FOXP1: variants seen among roughly 807,000 people sequenced by gnomAD.
FOXP1 encodes the protein forkhead box P1.
In FOXP1, 15 loss-of-function variants were observed where a neutral mutation model predicts 98.2. That is an observed-to-expected ratio of 0.15 (90% CI 0.10 to 0.24). The LOEUF is 0.24. FOXP1 is among the 10% of genes least tolerant of loss of function. FOXP1 has a pLI of 1.00. For missense variants in FOXP1, 633 were observed against 848.5 expected, an observed-to-expected ratio of 0.75 and a Z score of 3.15; for synonymous variants, 371 against 314.5, an observed-to-expected ratio of 1.18 and a Z score of -1.90.
chr3:71,511,133 A>G (rs542206277), intron 2 of FOXP1, among the ~76,000 whole-genome samples: 218 of 152,316 alleles, frequency 1.4e-3, no homozygotes, highest in Middle Eastern at 3.4e-3. Flanking sequence ...AAATAAGCCC[A>G]TAAGTCCTTT....
At chr3:71,564,497 C>A (rs970773256) in intron 2 of FOXP1, among the ~76,000 whole-genome samples, 6 of 152,178 alleles carry the variant, frequency 3.9e-5, no homozygotes. Context: ...CAAGGTAAAT[C>A]AGAAAGGTTA....
At chr3:71,204,893 C>T (rs1308585122) in intron 5 of FOXP1, among the ~76,000 whole-genome samples, 1 of 152,194 alleles carries the variant, frequency 6.6e-6, no homozygotes, top group Non-Finnish European at 1.5e-5. Context: ...TATCCACTGT[C>T]CTCCTGACCC....
chr3:71,211,486 A>G (rs550603985), intron 5 of FOXP1, among the ~76,000 whole-genome samples: 32 of 152,298 alleles, frequency 2.1e-4, no homozygotes, highest in African/African-American at 7.5e-4. Context: ...AATTACAGGT[A>G]TAAGCCACCA....
intron 4 of FOXP1, among the ~76,000 whole-genome samples, chr3:71,330,430 C>T (rs911104253): frequency 6.6e-6 from 1 of 152,254 alleles, no homozygotes; most frequent in African/African-American, 2.4e-5. Flanking sequence ...GAGAAGATGA[C>T]AGTCCACACA....
At chr3:71,126,896 A>C (rs1461794721) in intron 6 of FOXP1, among the ~76,000 whole-genome samples, 5 of 151,870 alleles carry the variant, frequency 3.3e-5, no homozygotes, top group African/African-American at 1.2e-4. Flanking sequence ...AAAACAAAAA[A>C]AAAAAGAAAG....
intron 5 of FOXP1, among the ~76,000 whole-genome samples, chr3:71,294,366 G>A (rs890311679): frequency 3.3e-5 from 5 of 152,062 alleles, no homozygotes; most frequent in African/African-American, 1.2e-4. Context: ...ACTTCCATAC[G>A]ATGCTAAAAC....
At chr3:71,080,497 C>T (rs2054292716) in intron 7 of FOXP1, among the ~76,000 whole-genome samples, 2 of 151,194 alleles carry the variant, frequency 1.3e-5, no homozygotes, top group South Asian at 4.2e-4. Flanking sequence ...AATTCACTAG[C>T]GTGACCACAT....
At chr3:71,391,533 G>A (rs1026754583) in intron 3 of FOXP1, among the ~76,000 whole-genome samples, 12 of 152,140 alleles carry the variant, frequency 7.9e-5, no homozygotes, top group Non-Finnish European at 1.0e-4. Flanking sequence ...CACACACTTC[G>A]GTCTTTCGCT....
At chr3:71,347,613 AG>A (rs2077447404) in intron 4 of FOXP1, among the ~76,000 whole-genome samples, 2 of 151,968 alleles carry the variant, frequency 1.3e-5, no homozygotes, top group African/African-American at 4.8e-5. Flanking sequence ...CGGCTGGGGG[AG>A]GTGGTTCATG....
At chr3:70,983,220 A>T (rs2039177581) in intron 14 of FOXP1, among the ~76,000 whole-genome samples, 1 of 151,902 alleles carries the variant, frequency 6.6e-6, no homozygotes, top group Non-Finnish European at 1.5e-5. Flanking sequence ...TGACTTACTT[A>T]GAAGGTGGTG....
chr3:71,165,095 A>C (rs2061336752), intron 6 of FOXP1, among the ~76,000 whole-genome samples: 2 of 152,180 alleles, frequency 1.3e-5, no homozygotes, highest in South Asian at 4.1e-4. Flanking sequence ...TGGCAAAAAT[A>C]ATGGAAACAA....
intron 7 of FOXP1, among the ~76,000 whole-genome samples, chr3:71,080,728 C>T (rs17008195): frequency 0.13 from 19,311 of 152,146 alleles, 1,752 homozygotes; most frequent in East Asian, 0.37. Flanking sequence ...CAATGTTCTT[C>T]CCTTCCTCTT....
intron 4 of FOXP1, among the ~76,000 whole-genome samples, chr3:71,339,647 A>G (rs1267099073): frequency 6.6e-6 from 1 of 152,240 alleles, no homozygotes; most frequent in African/African-American, 2.4e-5. Context: ...TACTGGGCTC[A>G]AATTAGCAAG....
intron 6 of FOXP1, among the ~76,000 whole-genome samples, chr3:71,133,395 C>T (rs747016794): frequency 6.6e-6 from 1 of 152,186 alleles, no homozygotes; most frequent in South Asian, 2.1e-4. Context: ...ATGGAATAGT[C>T]GTCTCGCTCT....
intron 17 of FOXP1, among the ~76,000 whole-genome samples, chr3:70,973,953 A>T (rs2036949978): frequency 6.6e-6 from 1 of 150,808 alleles, no homozygotes; most frequent in Non-Finnish European, 1.5e-5. Flanking sequence ...TTTTTGGACA[A>T]TCACAATTGG....
intron 3 of FOXP1, among the ~76,000 whole-genome samples, chr3:71,362,319 C>T (rs2078626782): frequency 1.3e-5 from 2 of 151,936 alleles, no homozygotes; most frequent in African/African-American, 2.4e-5. Context: ...CTACAGGTGC[C>T]CACTGTAATG....
chr3:71,538,264 T>C (rs2044469861), intron 2 of FOXP1, among the ~76,000 whole-genome samples: 1 of 152,138 alleles, frequency 6.6e-6, no homozygotes, highest in African/African-American at 2.4e-5. Flanking sequence ...ATCACCACAA[T>C]ATAAGTTAGA....
intron 2 of FOXP1, chr3:71,571,970 A>C (rs1455710052): frequency 5.3e-5 from 8 of 152,208 alleles, no homozygotes; most frequent in African/African-American, 1.7e-4. Flanking sequence ...ATCTTTATTT[A>C]TATGGCTTTC....
At chr3:71,040,818 A>C (rs946928408) in intron 11 of FOXP1, among the ~76,000 whole-genome samples, 4 of 152,110 alleles carry the variant, frequency 2.6e-5, no homozygotes, top group Admixed American at 6.6e-5. Flanking sequence ...CCATCCTCCA[A>C]ACCTTCACTC....
Sources: allele counts gnomAD v4.1 joint callset (sites outside exome capture counted in the v4.1 genomes callset), GRCh38; gene constraint gnomAD v4.1.1; transcripts MANE v1.5; gene names NCBI Gene and HGNC (gene_info 2026-07-23, HGNC 2026-07-21).